Variants in FRK observed in about 807,000 individuals in gnomAD.
FRK encodes the protein tyrosine-protein kinase FRK.
In FRK, 51 loss-of-function variants were observed where a neutral mutation model predicts 56.4. That is an observed-to-expected ratio of 0.90 (90% CI 0.72 to 1.14). FRK has a LOEUF of 1.14. Among genes scored for constraint, FRK ranks in the 50% most tolerant of loss-of-function variants. The pLI, the probability that FRK is intolerant of heterozygous loss-of-function variation, is 0.00. For synonymous variants in FRK, 245 were observed against 217.9 expected (o/e 1.12, Z -1.10); for missense variants, 570 against 601.4 (o/e 0.95, Z 0.55).
At chr6:116,084,074 G>T in the FRK span, among the ~76,000 whole-genome samples, 1 of 152,098 alleles carries the variant, frequency 6.6e-6, no homozygotes, top group Non-Finnish European at 1.5e-5. Flanking sequence ...GGAAAAATAT[G>T]AAATAATTGC....
the FRK span, among the ~76,000 whole-genome samples, chr6:116,094,469 C>T: frequency 1.1e-4 from 17 of 152,354 alleles, no homozygotes; most frequent in East Asian, 3.3e-3. Context: ...TTTCTCCCAC[C>T]TTCTCAGTTG....
At position 115,940,595 on chromosome 6, in the gene FRK, A is replaced by C. The variant is rs1387227620; in HGVS notation, c.*1819T>G. 4 of 152,242 alleles carry C rather than the reference A, an allele frequency of 2.6e-5. No individual in the cohort carries two copies. The highest frequency in any genetic ancestry group is 5.9e-5 in the Non-Finnish European group (4 of 68,034). The allele number at this position is 152,242 out of a possible 1,614,324, so 9.4% of individuals were successfully genotyped here. ...AAGCTATCCATCTGACAAAGGGCTA[A>C]TACCAAGAATCTACAAGGAACATAA... On this transcript the variant is annotated 3_prime_UTR_variant, in exon 8 of 8. Transcript: ENST00000606080.
intron 1 of FRK, among the ~76,000 whole-genome samples, chr6:116,030,431 T>G (rs1437022834): frequency 6.6e-6 from 1 of 152,162 alleles, no homozygotes; most frequent in African/African-American, 2.4e-5. Context: ...TTAGGAGCTC[T>G]CTGGCACAAA....
intron 2 of FRK, among the ~76,000 whole-genome samples, chr6:116,002,090 C>T (rs932878139): frequency 6.6e-6 from 1 of 152,100 alleles, no homozygotes; most frequent in Non-Finnish European, 1.5e-5. Flanking sequence ...TTTCGAAAGT[C>T]TTATTCTAGA....
chr6:116,042,255 C>T (rs1776750451), intron 1 of FRK, among the ~76,000 whole-genome samples: 1 of 152,120 alleles, frequency 6.6e-6, no homozygotes, highest in Non-Finnish European at 1.5e-5. Context: ...CAATCAGGGG[C>T]TTATAGATAA....
At chr6:115,999,308 T>A (rs1183324080) in intron 2 of FRK, among the ~76,000 whole-genome samples, 1 of 152,194 alleles carries the variant, frequency 6.6e-6, no homozygotes, top group Non-Finnish European at 1.5e-5. Flanking sequence ...GGCTACCACA[T>A]ATAATATGTA....
In FRK at chr6:115,934,755, T is replaced by C. The variant is rs1468807466; in HGVS notation, c.*7659A>G. On this transcript the variant is annotated 3_prime_UTR_variant, in exon 8 of 8. Transcript: ENST00000606080. ...TTCTGCTTTCTCATGGCTTGTTTCA[T>C]TCCTATTGCTTTACACTGGAAGATC... is the stretch of plus-strand genomic sequence containing the variant. The C allele has an allele frequency of 6.6e-6, 1 of 152,226 alleles. No individual in the cohort carries two copies. The highest frequency in any genetic ancestry group is 2.4e-5 in the African/African-American group (1 of 41,458). The allele number at this position is 152,226 out of a possible 1,614,324, so 9.4% of individuals were successfully genotyped here. A position where few individuals can be genotyped will look rare whatever the true frequency, so the allele number is the denominator to read the frequency against.
intron 1 of FRK, among the ~76,000 whole-genome samples, chr6:116,023,685 G>C (rs541932997): frequency 6.6e-6 from 1 of 152,078 alleles, no homozygotes; most frequent in Admixed American, 6.6e-5. Flanking sequence ...TGGGAGCAGC[G>C]GTGGCTCAGA....
chr6:116,023,742 C>T (rs1363476292), intron 1 of FRK, among the ~76,000 whole-genome samples: 1 of 152,020 alleles, frequency 6.6e-6, no homozygotes, highest in African/African-American at 2.4e-5. Flanking sequence ...CGTTCGAAGC[C>T]AGCCTGGGCA....
chr6:116,014,468 A>G (rs1775576597), intron 1 of FRK, among the ~76,000 whole-genome samples: 1 of 152,128 alleles, frequency 6.6e-6, no homozygotes. Flanking sequence ...ACAGAAATCT[A>G]AAAAAATGAA....
chr6:116,005,473 C>A (rs1348865557), intron 1 of FRK, among the ~76,000 whole-genome samples: 1 of 152,148 alleles, frequency 6.6e-6, no homozygotes, highest in Non-Finnish European at 1.5e-5. Flanking sequence ...CAGGAATGAA[C>A]CCACTGGCAG....
chr6:116,020,569 C>T (rs536974511), intron 1 of FRK, among the ~76,000 whole-genome samples: 1 of 152,290 alleles, frequency 6.6e-6, no homozygotes, highest in African/African-American at 2.4e-5. Flanking sequence ...GGATTACAGA[C>T]GTGAGCCACT....
At chr6:116,018,650 A>G (rs548793836) in intron 1 of FRK, among the ~76,000 whole-genome samples, 2 of 152,324 alleles carry the variant, frequency 1.3e-5, no homozygotes, top group South Asian at 2.1e-4. Context: ...CTATTTATAT[A>G]CAAATATGTG....
At chr6:115,996,944 T>C (rs1774862625) in intron 2 of FRK, among the ~76,000 whole-genome samples, 1 of 152,192 alleles carries the variant, frequency 6.6e-6, no homozygotes, top group African/African-American at 2.4e-5. Flanking sequence ...TCTCATTACT[T>C]TTTGAATTGC....
At chr6:116,054,139 A>G (rs6937104) in intron 1 of FRK, among the ~76,000 whole-genome samples, 55,524 of 151,244 alleles carry the variant, frequency 0.37, 10,663 homozygotes, top group Middle Eastern at 0.49. Flanking sequence ...AAACAGTACA[A>G]TTATATTAAC....
intron 1 of FRK, among the ~76,000 whole-genome samples, chr6:116,029,949 A>G (rs961141030): frequency 2.0e-5 from 3 of 152,074 alleles, no homozygotes; most frequent in African/African-American, 7.2e-5. Context: ...GTTTAACTTT[A>G]TTAATTCCAG....
At chr6:116,080,676 C>T in the FRK span, among the ~76,000 whole-genome samples, 1 of 151,824 alleles carries the variant, frequency 6.6e-6, no homozygotes, top group African/African-American at 2.4e-5. Context: ...AAGAAATAAC[C>T]CATAAGAAAA....
At chr6:116,014,710 G>C (rs1775585885) in intron 1 of FRK, among the ~76,000 whole-genome samples, 1 of 152,164 alleles carries the variant, frequency 6.6e-6, no homozygotes, top group African/African-American at 2.4e-5. Flanking sequence ...CACAAAAGGA[G>C]TTTTAAGCCC....
At chr6:116,039,155 G>A (rs374734493) in intron 1 of FRK, 73 of 1,024,070 alleles carry the variant, frequency 7.1e-5, no homozygotes, top group South Asian at 4.4e-4. Context: ...AGCTGAAAGG[G>A]AAGTGGCATC....
Sources: allele counts gnomAD v4.1 joint callset (sites outside exome capture counted in the v4.1 genomes callset), GRCh38; gene constraint gnomAD v4.1.1; transcripts MANE v1.5; gene names NCBI Gene and HGNC (gene_info 2026-07-23, HGNC 2026-07-21).